Variants in PPP1R36 observed in about 807,000 individuals in gnomAD.
PPP1R36 encodes the protein chromosome 14 open reading frame 50.
PPP1R36 carries 47 observed loss-of-function variants against 53.4 expected under a neutral mutation model. The ratio of observed to expected loss-of-function variants is 0.88; its 90% CI spans 0.70 to 1.12. PPP1R36 has a LOEUF of 1.12. Ranked by LOEUF, PPP1R36 falls within the 50% of genes most tolerant of loss-of-function variation. The probability of loss-of-function intolerance (pLI) is 0.00; values close to 1 mark genes in which losing one functional copy is unlikely to be tolerated. For synonymous variants in PPP1R36, 153 were observed against 170.5 expected (o/e 0.90, Z 0.80); for missense variants, 456 against 513.9 (o/e 0.89, Z 1.09).
chr14:64,583,754 C>T (rs1256593246), intron 8 of PPP1R36, among the ~76,000 whole-genome samples: 3 of 101,204 alleles, frequency 3.0e-5, no homozygotes, highest in Admixed American at 1.2e-4. Context: ...GCAGAGGTTG[C>T]GGTGAGCCAA....
chr14:64,552,969 G>T, intron 3 of PPP1R36, 108 bp downstream of exon 3: 1 of 1,061,132 alleles, frequency 9.4e-7, no homozygotes, highest in African/African-American at 1.6e-5. Context: ...TAAATATTAA[G>T]TGCCAATTTT....
At chr14:64,557,773 A>G (rs2080168583) in intron 3 of PPP1R36, among the ~76,000 whole-genome samples, 1 of 152,160 alleles carries the variant, frequency 6.6e-6, no homozygotes. Flanking sequence ...GCATTTTGGG[A>G]GGCCTAGGTG....
chr14:64,553,554 T>G (rs1029610815), intron 3 of PPP1R36, among the ~76,000 whole-genome samples: 5 of 152,124 alleles, frequency 3.3e-5, no homozygotes, highest in Admixed American at 2.6e-4. Flanking sequence ...GACACAAAAA[T>G]GTAAATACTG....
Position 64,566,140 on chromosome 14 carries a change from C to T in PPP1R36, c.434+448C>T, listed in dbSNP as rs532570834. Reference sequence around the variant, plus strand: ...AAAATTAGCTGGGCGTGGTGGTGGGCGCCTGTAATCCCAGCTACTTGGGAG... The same window carrying T: ...AAAATTAGCTGGGCGTGGTGGTGGGTGCCTGTAATCCCAGCTACTTGGGAG... On this transcript the variant is annotated intron_variant, in intron 6 of 11. Transcript: ENST00000298705. Among the ~76,000 whole-genome samples the T allele has an allele frequency of 2.7e-4, 41 of 152,044 alleles. 1 individual carries two copies. Among genetic ancestry groups the T allele is most frequent in the Admixed American group, 7.2e-4 (11 of 15,252 alleles).
chr14:64,587,049 G>T lies in PPP1R36; in HGVS notation c.712-145G>T. ...TCTGATTTTCCTCATGCAAAAGTGA[G>T]TATGTGTATAATTTTTCATTGTTTC... On this transcript the variant is annotated intron_variant, in intron 9 of 11. Transcript: ENST00000298705. The T allele has an allele frequency of 6.3e-6, 5 of 797,492 alleles. No homozygotes were observed. The East Asian group carries it at 1.3e-4, about 21-fold the overall frequency. The allele number at this position is 797,492 out of a possible 1,614,324, so 49.4% of individuals were successfully genotyped here.
At chr14:64,570,400 TGAACCTGGG>T (rs1278601522) in intron 7 of PPP1R36, among the ~76,000 whole-genome samples, 2 of 152,030 alleles carry the variant, frequency 1.3e-5, no homozygotes, top group African/African-American at 4.8e-5. Flanking sequence ...GAGAATCACT[TGAACCTGGG>T]AGGCAGAGGT....
At chr14:64,552,428 G>T (rs553024161) in intron 2 of PPP1R36, among the ~76,000 whole-genome samples, 1 of 152,314 alleles carries the variant, frequency 6.6e-6, no homozygotes, top group African/African-American at 2.4e-5. Flanking sequence ...AGCAGAGGTT[G>T]CAGTGAGCCA....
rs528055146 is a variant in PPP1R36 at position 64,582,901 on chromosome 14, A to T, written c.669-3936A>T. ...TTAATTTAATTTATTTTTATTTTTT[A>T]TTTTTTTTGAGATAGGGTCTCACTT... On this transcript the variant is annotated intron_variant, in intron 8 of 11. Transcript: ENST00000298705. 4.2e-4 allele frequency among the ~76,000 whole-genome samples: 63 copies of T among 148,510 alleles called. 1 individual carries two copies. The highest frequency in any genetic ancestry group is 7.0e-4 in the Non-Finnish European group (47 of 66,884).
chr14:64,551,092 C>A, intron 2 of PPP1R36, 107 bp downstream of exon 2: 2 of 695,680 alleles, frequency 2.9e-6, no homozygotes, highest in Non-Finnish European at 4.8e-6. Flanking sequence ...TGAACCTTTG[C>A]CATCTGGAAG....
rs144336047 is a variant in PPP1R36 at position 64,577,340 on chromosome 14, A to G, written c.668+2751A>G. ...ACACAAACATTCAGCTCATTGCACC[A>G]TGCCTCCCACAGGCTGCCTCCTGCC... On this transcript the variant is annotated intron_variant, in intron 8 of 11. Transcript: ENST00000298705. 1.3e-3 allele frequency among the ~76,000 whole-genome samples: 203 copies of G among 152,246 alleles called. 3 individuals are homozygous for G. In the East Asian group the frequency reaches 0.032, roughly 24 times the overall value.
At chr14:64,563,820 C>T (rs1250723415) in intron 3 of PPP1R36, among the ~76,000 whole-genome samples, 3 of 152,168 alleles carry the variant, frequency 2.0e-5, no homozygotes, top group African/African-American at 7.2e-5. Flanking sequence ...ATCAATGTGG[C>T]ATTGTTATAA....
intron 8 of PPP1R36, among the ~76,000 whole-genome samples, chr14:64,575,576 TTA>T (rs1194448846): frequency 3.9e-5 from 6 of 152,214 alleles, no homozygotes; most frequent in African/African-American, 1.4e-4. Flanking sequence ...CACAGTATAT[TTA>T]CCTAGAAAGC....
chr14:64,561,370 T>G (rs763653033), intron 3 of PPP1R36, among the ~76,000 whole-genome samples: 2 of 152,226 alleles, frequency 1.3e-5, no homozygotes, highest in African/African-American at 4.8e-5. Context: ...GCCTTACTTT[T>G]GCAGATTGTA....
At chr14:64,576,800 G>A (rs906042171) in intron 8 of PPP1R36, among the ~76,000 whole-genome samples, 3 of 152,098 alleles carry the variant, frequency 2.0e-5, no homozygotes, top group Non-Finnish European at 4.4e-5. Flanking sequence ...TACTACATCC[G>A]TTCTGCAGCT....
At position 64,574,607 on chromosome 14, in the gene PPP1R36, C is replaced by T; in HGVS notation, c.668+18C>T. On this transcript the variant is annotated intron_variant, in intron 8 of 11. Transcript: ENST00000298705. ...TGTGGAAAGTAAGCAGATACTTACA[C>T]TTCATTAGATCATCACTCCATCATA... The T allele has an allele frequency of 6.2e-7, 1 of 1,601,144 alleles. No homozygotes were observed. The highest frequency in any genetic ancestry group is 8.5e-7 in the Non-Finnish European group (1 of 1,175,184).
chr14:64,580,727 G>C (rs1295469229), intron 8 of PPP1R36, among the ~76,000 whole-genome samples: 2 of 152,166 alleles, frequency 1.3e-5, no homozygotes, highest in African/African-American at 4.8e-5. Flanking sequence ...ACTGGAACAG[G>C]TTTTTGCCAT....
chr14:64,584,740 T>A (rs2080417946), intron 8 of PPP1R36, among the ~76,000 whole-genome samples: 1 of 152,222 alleles, frequency 6.6e-6, no homozygotes, highest in Admixed American at 6.5e-5. Context: ...CAACTTTAGT[T>A]TCCTCAGTTG....
At position 64,587,448 on chromosome 14, in the gene PPP1R36, C is replaced by CTTTTTTTTTTTTT. The variant is rs10708900; in HGVS notation, c.890+94_890+106dup. The CTTTTTTTTTTTTT allele has an allele frequency of 2.2e-4, 24 of 111,018 alleles. 1 individual carries two copies. The highest frequency in any genetic ancestry group is 2.9e-4 in the Non-Finnish European group (21 of 72,330). 6.9% of individuals were successfully genotyped at this position (111,018 alleles called of 1,614,324 possible). ...CCTTTCTTTTCTTTTCTTTTTTCTC[C>CTTTTTTTTTTTTT]TTTTTTTTTTTTTTTTTTTTTTTTT... On this transcript the variant is annotated intron_variant, in intron 10 of 11. Transcript: ENST00000298705.
chr14:64,565,135 T>C (rs2080239446), intron 4 of PPP1R36, among the ~76,000 whole-genome samples: 1 of 152,226 alleles, frequency 6.6e-6, no homozygotes, highest in Admixed American at 6.5e-5. Context: ...ATGGTATTTG[T>C]ACTTACATTT....
Sources: gnomAD v4.1 joint callset for allele counts (sites outside exome capture counted in the v4.1 genomes callset) on GRCh38, gnomAD v4.1.1 for gene constraint, MANE v1.5 for transcripts, NCBI Gene and HGNC (gene_info 2026-07-23, HGNC 2026-07-21) for gene names.